The following ABCC1 variants were observed in gnomAD, a reference collection of about 807,000 sequenced individuals.
ABCC1 encodes the protein ATP binding cassette subfamily C member 1 (ABCC1 blood group).
In ABCC1, 83 loss-of-function variants were observed where a neutral mutation model predicts 172.9. The observed-to-expected ratio is 0.48, with a 90% confidence interval of 0.40 to 0.58. The LOEUF is 0.58. Ranked by LOEUF, ABCC1 falls within the 20% of genes least tolerant of loss-of-function variation. The pLI, the probability that ABCC1 is intolerant of heterozygous loss-of-function variation, is 0.00. For missense variants in ABCC1, 1,817 were observed against 2,002.7 expected (o/e 0.91, Z 1.77); for synonymous variants, 937 against 825.2 (o/e 1.14, Z -2.32).
At chr16:16,063,482 G>A (rs2049995051) in intron 12 of ABCC1, among the ~76,000 whole-genome samples, 1 of 152,170 alleles carries the variant, frequency 6.6e-6, no homozygotes, top group African/African-American at 2.4e-5. Flanking sequence ...GTAAATGTAT[G>A]TAGGTAAATG....
chr16:16,002,287 A>G (rs997408654), intron 1 of ABCC1, among the ~76,000 whole-genome samples: 1 of 152,208 alleles, frequency 6.6e-6, no homozygotes, highest in Non-Finnish European at 1.5e-5. Flanking sequence ...ATTTGATAAC[A>G]GAAGATGTAT....
intron 1 of ABCC1, among the ~76,000 whole-genome samples, chr16:15,968,094 C>T (rs1327830219): frequency 1.3e-5 from 2 of 152,106 alleles, no homozygotes; most frequent in African/African-American, 4.8e-5. Context: ...GTACAGTGAT[C>T]TCGGCTCACG....
intron 19 of ABCC1, 83 bp downstream of exon 19, chr16:16,090,671 G>T: frequency 2.1e-6 from 3 of 1,416,554 alleles, no homozygotes; most frequent in Non-Finnish European, 2.8e-6. Flanking sequence ...GTTGCCACCA[G>T]CCACTTGGGG....
intron 1 of ABCC1, among the ~76,000 whole-genome samples, chr16:15,962,676 A>G (rs1268796145): frequency 6.6e-6 from 1 of 152,218 alleles, no homozygotes; most frequent in African/African-American, 2.4e-5. Context: ...AAAAGCCGGT[A>G]TAAAACCATC....
At chr16:16,099,899 C>G (rs1280674074) in intron 19 of ABCC1, among the ~76,000 whole-genome samples, 2 of 152,104 alleles carry the variant, frequency 1.3e-5, no homozygotes, top group African/African-American at 4.8e-5. Context: ...GCCTGGCCAA[C>G]ATGGTGAAAC....
chr16:16,069,560 T>C (rs2050252877), intron 13 of ABCC1, among the ~76,000 whole-genome samples: 1 of 152,044 alleles, frequency 6.6e-6, no homozygotes, highest in Admixed American at 6.6e-5. Context: ...ACATCCCTTT[T>C]GAAAACTCCA....
In ABCC1 at chr16:16,045,912, A is replaced by C. The variant is rs1326176391; in HGVS notation, c.1117A>C (p.Thr373Pro). Residue 373 changes from threonine (T) to proline (P), a missense_variant, in exon 9 of 31, where the codon ACT becomes CCT. Around this residue, in one of 3 missense-constraint regions of ABCC1, gnomAD observed 1,412 missense variants for 1,600.3 expected, o/e 0.88. Transcript: ENST00000399410. ...CTTCTACACCGTGCTGCTGTTTGTC[A>C]CTGCCTGCCTGCAGACCCTCGTGCT... Reference protein sequence around the residue: ...GYFYTVLLFVTACLQTLVLHQ... With the variant: ...GYFYTVLLFVPACLQTLVLHQ... 1 of 1,614,080 alleles carries C rather than the reference A, an allele frequency of 6.2e-7. No individual in the cohort carries two copies. The highest frequency in any genetic ancestry group is 1.7e-5 in the Admixed American group (1 of 60,012).
Position 16,086,896 on chromosome 16 carries a change from T to A in ABCC1, c.2365T>A (p.Tyr789Asn), listed in dbSNP as rs2051030354. ...GGCCGTGTACTCCAACGCTGACATT[T>A]ACCTCTTCGATGATCCCCTCTCAGC... ...ARAVYSNADI[Y>N]LFDDPLSAVD... is the part of the protein sequence containing the mutation. Residue 789 changes from tyrosine to asparagine, a missense_variant, in exon 18 of 31, where the codon TAC becomes AAC. Physicochemically the swap from Tyr to Asn is moderately radical, Grantham distance 143. Coordinates refer to ENST00000399410, the MANE Select transcript of ABCC1 (RefSeq NM_004996.4). The A allele has an allele frequency of 1.2e-6, 2 of 1,614,194 alleles. No homozygotes were observed. The highest frequency in any genetic ancestry group is 1.7e-6 in the Non-Finnish European group (2 of 1,180,046).
intron 13 of ABCC1, among the ~76,000 whole-genome samples, chr16:16,069,169 A>T (rs866637632): frequency 1.0e-4 from 11 of 107,532 alleles, no homozygotes; most frequent in East Asian, 5.5e-4. Context: ...AAATAAAATA[A>T]AAATAAATAA....
At chr16:16,004,588 C>T (rs573270881) in intron 1 of ABCC1, among the ~76,000 whole-genome samples, 1 of 151,668 alleles carries the variant, frequency 6.6e-6, no homozygotes, top group African/African-American at 2.4e-5. Flanking sequence ...GAACTTTGTC[C>T]TTTTTAGGGT....
chr16:16,098,326 G>A (rs1035635716), intron 19 of ABCC1: 8 of 175,886 alleles, frequency 4.5e-5, no homozygotes, highest in African/African-American at 1.6e-4. Flanking sequence ...GTTAAACACA[G>A]TTATGACTTT....
intron 5 of ABCC1, among the ~76,000 whole-genome samples, chr16:16,031,804 C>G (rs1242655861): frequency 6.6e-6 from 1 of 152,038 alleles, no homozygotes; most frequent in East Asian, 1.9e-4. Flanking sequence ...GGTAATATTT[C>G]TCTCCCTTCA....
intron 5 of ABCC1, among the ~76,000 whole-genome samples, chr16:16,018,955 C>G (rs978041753): frequency 2.0e-5 from 3 of 152,010 alleles, no homozygotes; most frequent in Admixed American, 6.6e-5. Flanking sequence ...GGATCCCTGG[C>G]TGGTGCCTGA....
At chr16:16,010,536 A>C (rs1224149307) in intron 3 of ABCC1, among the ~76,000 whole-genome samples, 1 of 152,138 alleles carries the variant, frequency 6.6e-6, no homozygotes, top group Non-Finnish European at 1.5e-5. Context: ...AGTTTTCACT[A>C]TCTGGCATAG....
intron 6 of ABCC1, among the ~76,000 whole-genome samples, chr16:16,033,558 G>A (rs934612967): frequency 6.6e-6 from 1 of 152,114 alleles, no homozygotes; most frequent in African/African-American, 2.4e-5. Flanking sequence ...CACAGGAAGT[G>A]TGGGTTAAAA....
chr16:16,042,172 AG>A (rs2049000418), intron 7 of ABCC1, among the ~76,000 whole-genome samples: 1 of 117,474 alleles, frequency 8.5e-6, no homozygotes. Context: ...AGAGTTTGGC[AG>A]TTTTTTTTTT....
In ABCC1 at chr16:16,106,863, A is replaced by G; in HGVS notation, c.2861A>G (p.Gln954Arg). Residue 954 changes from glutamine (Q) to arginine (R), a missense_variant, in exon 21 of 31, where the codon CAG (glutamine) becomes CGG (arginine). Physicochemically the swap from Gln to Arg is conservative, Grantham distance 43. This residue lies in a region of ABCC1 where 1,412 missense variants were observed against 1,600.3 expected (regional missense o/e 0.88). Transcript: ENST00000399410. Reference sequence around the variant, plus strand: ...AAGCTGATGGAGGCTGACAAGGCGCAGACAGGGCAGGTGAGATTCGCTCCT... The same window carrying G: ...AAGCTGATGGAGGCTGACAAGGCGCGGACAGGGCAGGTGAGATTCGCTCCT... ...TWKLMEADKA[Q>R]TGQVKLSVYW... 1 of 1,614,112 alleles carries G rather than the reference A, an allele frequency of 6.2e-7. No homozygotes were observed. Among genetic ancestry groups the G allele is most frequent in the South Asian group, 1.1e-5 (1 of 91,084 alleles).
intron 18 of ABCC1, among the ~76,000 whole-genome samples, chr16:16,088,699 C>T (rs977924672): frequency 7.0e-6 from 1 of 142,972 alleles, no homozygotes; most frequent in African/African-American, 2.8e-5. Flanking sequence ...GGAACATGGC[C>T]AATGTATTTT....
intron 1 of ABCC1, among the ~76,000 whole-genome samples, chr16:15,951,460 C>T (rs2045871042): frequency 6.6e-6 from 1 of 151,062 alleles, no homozygotes; most frequent in South Asian, 2.1e-4. Flanking sequence ...CAGAAATTGC[C>T]AGGTGGTTGG....
Sources: gnomAD v4.1 joint callset for allele counts (sites outside exome capture counted in the v4.1 genomes callset) on GRCh38, gnomAD v4.1.1 for gene constraint, gnomAD v4.1.1 regional missense constraint, MANE v1.5 for transcripts, NCBI Gene and HGNC (gene_info 2026-07-23, HGNC 2026-07-21) for gene names.